SUGCT: variants seen among roughly 807,000 people sequenced by gnomAD.
The protein encoded by SUGCT is succinyl-CoA:glutarate CoA-transferase.
Under a neutral mutation model 55.0 loss-of-function variants are expected in SUGCT, and 41 were observed. The ratio of observed to expected loss-of-function variants is 0.74; its 90% CI spans 0.58 to 0.97. The LOEUF (loss-of-function observed/expected upper bound fraction) is 0.97. Among genes scored for constraint, SUGCT ranks in the 50% least tolerant of loss-of-function variants. SUGCT has a pLI of 0.00. For missense variants in SUGCT, 568 were observed against 547.8 expected (o/e 1.04, Z -0.37); for synonymous variants, 187 against 200.4 (o/e 0.93, Z 0.56).
chr7:40,306,337 A>T (rs1453429965), intron 8 of SUGCT, among the ~76,000 whole-genome samples: 1 of 152,218 alleles, frequency 6.6e-6, no homozygotes, highest in Non-Finnish European at 1.5e-5. Context: ...GTTAGCTCGA[A>T]TGCCACTTTT....
chr7:40,489,647 C>G (rs1278090310), intron 11 of SUGCT, among the ~76,000 whole-genome samples: 1 of 152,130 alleles, frequency 6.6e-6, no homozygotes, highest in Non-Finnish European at 1.5e-5. Flanking sequence ...CACCACTGCA[C>G]TCTAGCCTGG....
At chr7:40,608,236 G>A (rs760502850) in intron 12 of SUGCT, among the ~76,000 whole-genome samples, 1 of 152,058 alleles carries the variant, frequency 6.6e-6, no homozygotes, top group East Asian at 1.9e-4. Context: ...GTTCCTGAAT[G>A]TTCCTTTTTC....
At chr7:40,648,385 G>T (rs10256576) in intron 12 of SUGCT, among the ~76,000 whole-genome samples, 31,126 of 151,982 alleles carry the variant, frequency 0.2, 6,308 homozygotes, top group African/African-American at 0.53. Flanking sequence ...CATGCTATTT[G>T]GCCTGTTTCC....
At chr7:40,152,067 A>G (rs1020225640) in intron 1 of SUGCT, among the ~76,000 whole-genome samples, 4 of 152,206 alleles carry the variant, frequency 2.6e-5, no homozygotes, top group Non-Finnish European at 1.5e-5. Flanking sequence ...AAATATCCTC[A>G]GCACCAGTGT....
chr7:40,260,312 T>C lies in SUGCT; in HGVS notation c.577-14201T>C, dbSNP rs1422920726. On this transcript the variant is annotated intron_variant, in intron 7 of 13. Transcript: ENST00000335693. Reference sequence around the variant, plus strand: ...AATTGAGAGAGAATCTTTGGGACATTCCTTTTGTATATCTAGAATATAACA... The same window carrying C: ...AATTGAGAGAGAATCTTTGGGACATCCCTTTTGTATATCTAGAATATAACA... Among the ~76,000 whole-genome samples the C allele has an allele frequency of 2.6e-5, 4 of 152,328 alleles. No individual in the cohort carries two copies. The East Asian group carries it at 7.7e-4, about 29-fold the overall frequency.
At position 40,323,954 on chromosome 7, in the gene SUGCT, ATCTTC is replaced by A. The variant is rs146296745; in HGVS notation, c.816+7108_816+7112del. 9.9e-3 allele frequency among the ~76,000 whole-genome samples: 1,504 copies of A among 152,110 alleles called. 18 individuals carry two copies. Among genetic ancestry groups the A allele is most frequent in the African/African-American group, 0.035 (1,435 of 41,484 alleles). On this transcript the variant is annotated intron_variant, in intron 9 of 13. Coordinates refer to ENST00000335693, the MANE Select transcript of SUGCT (RefSeq NM_001193313.2). ...TCCCCCTCTGAGATGACTACCTCAC[ATCTTC>A]TCTTCTCTAAGATCTTTCCATCTCT...
chr7:40,653,894 G>A (rs1176819961), intron 12 of SUGCT, among the ~76,000 whole-genome samples: 2 of 151,682 alleles, frequency 1.3e-5, no homozygotes, highest in South Asian at 2.1e-4. Flanking sequence ...ACAGTATTGC[G>A]GACTCCTGTG....
chr7:40,893,317 T>C, the SUGCT span, among the ~76,000 whole-genome samples: 1 of 152,248 alleles, frequency 6.6e-6, no homozygotes, highest in Non-Finnish European at 1.5e-5. Flanking sequence ...ACTGTTCAAA[T>C]GTTATAGATC....
At position 40,614,069 on chromosome 7, in the gene SUGCT, G is replaced by A. The variant is rs189062086; in HGVS notation, c.1089+117683G>A. On this transcript the variant is annotated intron_variant, in intron 12 of 13. Coordinates refer to ENST00000335693, the MANE Select transcript of SUGCT (RefSeq NM_001193313.2). Reference sequence around the variant, plus strand: ...CTGAAAGCCTACCATTTAATTCAGGGAATTACCCTGAGGTCAGGGTAGAAG... The same window carrying A: ...CTGAAAGCCTACCATTTAATTCAGGAAATTACCCTGAGGTCAGGGTAGAAG... Among the ~76,000 whole-genome samples, 313 of 151,622 alleles carry A rather than the reference G, an allele frequency of 2.1e-3. 1 individual carries two copies. The highest frequency in any genetic ancestry group is 6.8e-3 in the African/African-American group (281 of 41,370).
the SUGCT span, chr7:40,966,871 A>C: frequency 6.6e-6 from 1 of 152,220 alleles, no homozygotes. Flanking sequence ...AAAGAGCTGA[A>C]AGAAACAGAG....
chr7:40,366,419 C>T (rs1783969845), intron 9 of SUGCT, among the ~76,000 whole-genome samples: 1 of 151,948 alleles, frequency 6.6e-6, no homozygotes, highest in African/African-American at 2.4e-5. Flanking sequence ...CAAATGGGAT[C>T]TAATTAAACT....
chr7:40,332,921 G>A (rs1340492592), intron 9 of SUGCT, among the ~76,000 whole-genome samples: 4 of 152,174 alleles, frequency 2.6e-5, no homozygotes, highest in African/African-American at 9.7e-5. Context: ...GTGGTGTATT[G>A]GATGAAGGTG....
intron 1 of SUGCT, among the ~76,000 whole-genome samples, chr7:40,171,669 C>G (rs1446375084): frequency 6.6e-6 from 1 of 152,204 alleles, no homozygotes; most frequent in East Asian, 1.9e-4. Context: ...GAGGTTTCCT[C>G]TAAACGTTAC....
At chr7:40,339,741 G>A (rs959945002) in intron 9 of SUGCT, among the ~76,000 whole-genome samples, 1 of 152,174 alleles carries the variant, frequency 6.6e-6, no homozygotes, top group African/African-American at 2.4e-5. Context: ...TGGGTGGGCT[G>A]CACCCACTGT....
chr7:40,154,453 G>A (rs930060394), intron 1 of SUGCT, among the ~76,000 whole-genome samples: 6 of 152,080 alleles, frequency 3.9e-5, no homozygotes, highest in African/African-American at 1.2e-4. Flanking sequence ...CTAGTAAAAC[G>A]CTCTGAGATT....
chr7:40,230,795 A>G (rs1471141994), intron 6 of SUGCT, among the ~76,000 whole-genome samples: 4 of 152,160 alleles, frequency 2.6e-5, no homozygotes, highest in African/African-American at 9.7e-5. Context: ...GCATAAATAT[A>G]TATAAACATC....
intron 9 of SUGCT, among the ~76,000 whole-genome samples, chr7:40,334,929 A>C (rs920865509): frequency 6.6e-6 from 1 of 152,302 alleles, no homozygotes; most frequent in Non-Finnish European, 1.5e-5. Context: ...TAATTTTTGT[A>C]TAAGGCGTAA....
chr7:40,719,748 G>A (rs1207247362), intron 12 of SUGCT, among the ~76,000 whole-genome samples: 1 of 152,114 alleles, frequency 6.6e-6, no homozygotes, highest in African/African-American at 2.4e-5. Flanking sequence ...AAAGACAGGA[G>A]TGCGGAGAGC....
chr7:40,692,135 T>C (rs934304003), intron 12 of SUGCT, among the ~76,000 whole-genome samples: 1 of 152,216 alleles, frequency 6.6e-6, no homozygotes, highest in Non-Finnish European at 1.5e-5. Flanking sequence ...GTGTCTGTTA[T>C]GTCTCAAGGC....
Sources: gnomAD v4.1 joint callset for allele counts (sites outside exome capture counted in the v4.1 genomes callset) on GRCh38, gnomAD v4.1.1 for gene constraint, MANE v1.5 for transcripts, NCBI Gene and HGNC (gene_info 2026-07-23, HGNC 2026-07-21) for gene names.